UBE2D3: variants seen among roughly 807,000 people sequenced by gnomAD.
The protein encoded by UBE2D3 is ubiquitin conjugating enzyme E2 D3, also known as ubiquitin-conjugating enzyme E2 D3.
UBE2D3 carries 2 observed loss-of-function variants against 22.8 expected under a neutral mutation model. That is an observed-to-expected ratio of 0.09 (90% CI 0.04 to 0.28). The LOEUF (loss-of-function observed/expected upper bound fraction) is 0.28, where lower values mean the gene tolerates loss of function less well. Among genes scored for constraint, UBE2D3 ranks in the 10% least tolerant of loss-of-function variants. The pLI, the probability that UBE2D3 is intolerant of heterozygous loss-of-function variation, is 1.00. For missense variants in UBE2D3, 27 were observed against 182.5 expected (o/e 0.15, Z 4.91); for synonymous variants, 56 against 60.4 (o/e 0.93, Z 0.34).
intron 2 of UBE2D3, among the ~76,000 whole-genome samples, chr4:102,821,238 A>G (rs754817670): frequency 1.4e-5 from 2 of 147,398 alleles, no homozygotes; most frequent in Non-Finnish European, 2.9e-5. Flanking sequence ...GAATTAAGTC[A>G]TTATAATAAA....
At chr4:102,804,164 G>T (rs1364974840) in intron 4 of UBE2D3, among the ~76,000 whole-genome samples, 1 of 151,958 alleles carries the variant, frequency 6.6e-6, no homozygotes, top group Non-Finnish European at 1.5e-5. Context: ...CGGGAAGGGG[G>T]ACAAACAAGA....
chr4:102,832,416 T>C (rs189916876), upstream of UBE2D3, among the ~76,000 whole-genome samples: 11 of 151,934 alleles, frequency 7.2e-5, no homozygotes, highest in Admixed American at 2.6e-4. Context: ...GGGGATGGGA[T>C]AGAATGGAGA....
intron 7 of UBE2D3, 116 bp from the exon 8 acceptor site, chr4:102,797,576 G>A: frequency 1.4e-6 from 1 of 707,936 alleles, no homozygotes; most frequent in East Asian, 3.1e-5. Context: ...CATCTCTAAT[G>A]ACTATGATTA....
At chr4:102,824,831 G>A (rs767553239) in intron 2 of UBE2D3, among the ~76,000 whole-genome samples, 27 of 152,222 alleles carry the variant, frequency 1.8e-4, no homozygotes, top group Non-Finnish European at 3.2e-4. Context: ...AAACCACACT[G>A]TAACATACAA....
chr4:102,832,919 G>A (rs1195310515), intron 1 of UBE2D3, among the ~76,000 whole-genome samples: 1 of 150,878 alleles, frequency 6.6e-6, no homozygotes, highest in Non-Finnish European at 1.5e-5. Context: ...GATCCCTTGA[G>A]CCCAGAAGGT....
upstream of UBE2D3, chr4:102,827,908 C>G: frequency 2.0e-6 from 2 of 985,526 alleles, no homozygotes; most frequent in Non-Finnish European, 2.4e-6. Context: ...GATCCAGCCC[C>G]ACGCCCCTCC....
At position 102,848,920 on chromosome 4, in the gene UBE2D3, CCTGTGTGT is replaced by C. The variant is rs1432326837; in HGVS notation, c.-129+19787_-129+19794del. ...ATTCCTCTGATTGATTTTATGTGTG[CCTGTGTGT>C]GTGTGTGTGTGTGTGTGTGTGTGTG... is the stretch of plus-strand genomic sequence containing the variant. On this transcript the variant is annotated intron_variant, in intron 1 of 7. Transcript: ENST00000338145. Among the ~76,000 whole-genome samples, 2 of 96,484 alleles carry C rather than the reference CCTGTGTGT, an allele frequency of 2.1e-5. 1 individual carries two copies. Among genetic ancestry groups the C allele is most frequent in the Non-Finnish European group, 4.1e-5 (2 of 48,514 alleles). The allele number at this position is 96,484 out of a possible 152,430, so 63.3% of individuals were successfully genotyped here.
chr4:102,837,845 G>A (rs223373), intron 1 of UBE2D3, among the ~76,000 whole-genome samples: 18 of 151,988 alleles, frequency 1.2e-4, no homozygotes, highest in African/African-American at 3.9e-4. Context: ...CCAGCTACTC[G>A]GGAGAGGCTG....
intron 1 of UBE2D3, chr4:102,837,225 G>T (rs529733435): frequency 5.3e-5 from 8 of 151,982 alleles, no homozygotes; most frequent in Non-Finnish European, 7.4e-5. Context: ...AGCTTACAAG[G>T]GTCAATTTAA....
chr4:102,813,814 A>G (rs1352656477), intron 2 of UBE2D3, among the ~76,000 whole-genome samples: 1 of 152,150 alleles, frequency 6.6e-6, no homozygotes, highest in Non-Finnish European at 1.5e-5. Flanking sequence ...GAAAATTAAG[A>G]GGCAAATATT....
Position 102,826,615 on chromosome 4 carries a change from C to T in UBE2D3, c.-107G>A, listed in dbSNP as rs1052352835. Reference sequence around the variant, plus strand: ...GGGGCAGGATTGTCTCGTCTCACACCAGCTCTGCCAGACACAGGCGCCTTT... The same window carrying T: ...GGGGCAGGATTGTCTCGTCTCACACTAGCTCTGCCAGACACAGGCGCCTTT... On this transcript the variant is annotated 5_prime_UTR_variant, in exon 2 of 8. Coordinates refer to ENST00000453744, the MANE Select transcript of UBE2D3 (RefSeq NM_181891.3). 31 of 1,590,810 alleles carry T rather than the reference C, an allele frequency of 1.9e-5. No individual in the cohort carries two copies. The highest frequency in any genetic ancestry group is 2.6e-5 in the Non-Finnish European group (30 of 1,175,010).
chr4:102,822,387 C>T (rs934811376), intron 2 of UBE2D3, among the ~76,000 whole-genome samples: 1 of 152,146 alleles, frequency 6.6e-6, no homozygotes, highest in Non-Finnish European at 1.5e-5. Flanking sequence ...TAGTTGGGGA[C>T]AATAAATATA....
At chr4:102,797,523 G>T in intron 7 of UBE2D3, 63 bp from the exon 8 acceptor site, 2 of 1,343,430 alleles carry the variant, frequency 1.5e-6, no homozygotes, top group South Asian at 1.2e-5. Context: ...TTAAATGGAA[G>T]GGAAAGATTT....
rs148466681 is a variant in UBE2D3 at position 102,858,438 on chromosome 4, TG to T, written c.-129+10276del. ...GTCAGAGACACGTGTGATGAACTCT[TG>T]GGACATGTTCCACTACTTGGGGATC... On this transcript the variant is annotated intron_variant, in intron 1 of 7. Coordinates refer to the UBE2D3 transcript ENST00000338145. 2.8e-3 allele frequency among the ~76,000 whole-genome samples: 419 copies of T among 152,062 alleles called. 4 individuals are homozygous for T. Among genetic ancestry groups the T allele is most frequent in the African/African-American group, 9.8e-3 (406 of 41,528 alleles).
At chr4:102,845,028 A>G (rs1345220646) in intron 1 of UBE2D3, among the ~76,000 whole-genome samples, 67 of 151,028 alleles carry the variant, frequency 4.4e-4, no homozygotes, top group Non-Finnish European at 3.2e-4. Context: ...TCTCAAAAAA[A>G]AAAAAAAAAA....
At chr4:102,825,982 G>A (rs991722383) in intron 2 of UBE2D3, 2 of 296,712 alleles carry the variant, frequency 6.7e-6, no homozygotes, top group Non-Finnish European at 1.3e-5. Context: ...CCTTCAATAC[G>A]CAAGACTTCT....
At chr4:102,822,935 CCAA>C (rs976765718) in intron 2 of UBE2D3, among the ~76,000 whole-genome samples, 6 of 152,024 alleles carry the variant, frequency 3.9e-5, no homozygotes, top group Non-Finnish European at 5.9e-5. Context: ...GACTCCGTCT[CCAA>C]CAACAACAAA....
chr4:102,796,376 A>G lies in UBE2D3; in HGVS notation c.*1039T>C, dbSNP rs1305647091. On this transcript the variant is annotated 3_prime_UTR_variant, in exon 8 of 8. Transcript: ENST00000453744. ...CACATTAAAGCTACACTATCCAAATAGCTTATTAATTCTGCATAAATCAGG... is the reference window on the plus strand; with the variant it reads ...CACATTAAAGCTACACTATCCAAATGGCTTATTAATTCTGCATAAATCAGG... 6.6e-6 allele frequency: 1 copy of G among 152,482 alleles called. No individual in the cohort carries two copies. Among genetic ancestry groups the G allele is most frequent in the Non-Finnish European group, 1.5e-5 (1 of 67,930 alleles). 9.4% of individuals were successfully genotyped at this position (152,482 alleles called of 1,614,324 possible).
At chr4:102,799,764 A>AT (rs774303908) in intron 6 of UBE2D3, among the ~76,000 whole-genome samples, 1 of 145,870 alleles carries the variant, frequency 6.9e-6, no homozygotes, top group Non-Finnish European at 1.5e-5. Context: ...AACTGATGCC[A>AT]TATTAATATA....
Sources: allele counts gnomAD v4.1 joint callset (sites outside exome capture counted in the v4.1 genomes callset), GRCh38; gene constraint gnomAD v4.1.1; transcripts MANE v1.5; gene names NCBI Gene and HGNC (gene_info 2026-07-23, HGNC 2026-07-21).